The following BARHL1 variants were observed in gnomAD, a reference collection of about 807,000 sequenced individuals.
BARHL1 encodes barH-like 1 homeobox protein.
BARHL1 carries 2 observed loss-of-function variants against 20.1 expected under a neutral mutation model. That is an observed-to-expected ratio of 0.10 (90% CI 0.04 to 0.31). The LOEUF is 0.31. BARHL1 is among the 10% of genes least tolerant of loss of function. The probability of loss-of-function intolerance (pLI) is 1.00; values close to 1 mark genes in which losing one functional copy is unlikely to be tolerated. For missense variants in BARHL1, 397 were observed against 454.0 expected (o/e 0.87, Z 1.14); for synonymous variants, 213 against 209.9 (o/e 1.01, Z -0.13).
Position 132,589,218 on chromosome 9 carries a change from C to T in BARHL1, c.690-10C>T, listed in dbSNP as rs1358816865. On this transcript the variant is annotated splice_polypyrimidine_tract_variant and intron_variant, in intron 2 of 2. Transcript: ENST00000263610. ...CTGATCCCGCCATACGCGTTTATTTCGGCCCCCAGGACTAAATGGAAGCGA... is the reference window on the plus strand; with the variant it reads ...CTGATCCCGCCATACGCGTTTATTTTGGCCCCCAGGACTAAATGGAAGCGA... 1.2e-6 allele frequency: 2 copies of T among 1,603,482 alleles called. No individual in the cohort carries two copies. The highest frequency in any genetic ancestry group is 1.7e-6 in the Non-Finnish European group (2 of 1,175,184).
chr9:132,582,971 T>G lies in BARHL1; in HGVS notation c.174T>G (p.Cys58Trp). ...CGCCAGCCTCTCCAGGAAGGGACTGTTTGGAGACGGGGACCCCACGGCCTG... is the reference window on the plus strand; with the variant it reads ...CGCCAGCCTCTCCAGGAAGGGACTGGTTGGAGACGGGGACCCCACGGCCTG... ...CSSPASPGRDCLETGTPRPGG... is the reference protein window; with the variant it reads ...CSSPASPGRDWLETGTPRPGG... Residue 58 changes from cysteine to tryptophan, a missense_variant, in exon 1 of 3, where the codon TGT becomes TGG. Around this residue, in one of 3 missense-constraint regions of BARHL1, gnomAD observed 272 missense variants for 298.7 expected, o/e 0.91. Transcript: ENST00000263610. 6.2e-7 allele frequency: 1 copy of G among 1,613,864 alleles called. No individual in the cohort carries two copies. Among genetic ancestry groups the G allele is most frequent in the Non-Finnish European group, 8.5e-7 (1 of 1,179,930 alleles).
At chr9:132,585,536 G>C (rs555972021) in intron 1 of BARHL1, among the ~76,000 whole-genome samples, 15 of 152,350 alleles carry the variant, frequency 9.8e-5, no homozygotes, top group Admixed American at 2.0e-4. Context: ...CTAGCGGCTG[G>C]ATCCAAGGTC....
At chr9:132,585,812 C>T (rs564844389) in intron 1 of BARHL1, among the ~76,000 whole-genome samples, 2 of 152,372 alleles carry the variant, frequency 1.3e-5, no homozygotes, top group East Asian at 1.9e-4. Context: ...ACCTCCCGAC[C>T]TCCAACGCAG....
At chr9:132,589,110 A>T (rs960936292) in intron 2 of BARHL1, 118 bp from the exon 3 acceptor site, 7 of 1,457,612 alleles carry the variant, frequency 4.8e-6, no homozygotes, top group Non-Finnish European at 6.3e-6. Context: ...TTATTAACAA[A>T]TGAGTACGAT....
At chr9:132,584,886 T>C (rs1589937565) in intron 1 of BARHL1, among the ~76,000 whole-genome samples, 1 of 152,126 alleles carries the variant, frequency 6.6e-6, no homozygotes, top group Non-Finnish European at 1.5e-5. Context: ...GAGGGGGAAG[T>C]CAATGTAAAT....
Position 132,589,314 on chromosome 9 carries a change from C to T in BARHL1, c.776C>T (p.Ser259Leu). 1.2e-6 allele frequency: 2 copies of T among 1,613,574 alleles called. No individual in the cohort carries two copies. Among genetic ancestry groups the T allele is most frequent in the Admixed American group, 1.7e-5 (1 of 60,012 alleles). Residue 259 changes from serine to leucine, a missense_variant, in exon 3 of 3, where the codon TCG becomes TTG. Around this residue, in one of 3 missense-constraint regions of BARHL1, gnomAD observed 121 missense variants for 135.9 expected, o/e 0.89. Coordinates refer to ENST00000263610, the MANE Select transcript of BARHL1 (RefSeq NM_020064.4). The stretch of plus-strand genomic sequence containing the variant: ...TCAGCGCTCCAGCGGATGTTCCCGT[C>T]GCCTTATTTCTACCCGCAGAGTCTG... ...NYSALQRMFP[S>L]PYFYPQSLVS...
rs1174751700 is a variant in BARHL1, at chr9:132,590,155, C to T, written c.*633C>T. The T allele has an allele frequency of 2.0e-5, 3 of 151,230 alleles. No homozygotes were observed. The highest frequency in any genetic ancestry group is 4.4e-5 in the Non-Finnish European group (3 of 67,694). 9.4% of individuals were successfully genotyped at this position (151,230 alleles called of 1,614,324 possible). On this transcript the variant is annotated 3_prime_UTR_variant, in exon 3 of 3. Transcript: ENST00000263610. ...GGGGCCAAGGGGGCTTGCCCACCCA[C>T]CCCGACCCCAGCCCCCAGCCTCAGC...
chr9:132,583,377 C>A, intron 1 of BARHL1, 114 bp downstream of exon 1: 3 of 933,170 alleles, frequency 3.2e-6, no homozygotes, highest in Non-Finnish European at 3.1e-6. Flanking sequence ...TCCCCCAGGG[C>A]TCAGGTTGAG....
In BARHL1 at chr9:132,583,274, A is replaced by C; in HGVS notation, c.466+11A>C. 6.3e-7 allele frequency: 1 copy of C among 1,592,094 alleles called. No individual in the cohort carries two copies. Among genetic ancestry groups the C allele is most frequent in the Non-Finnish European group, 8.6e-7 (1 of 1,166,836 alleles). On this transcript the variant is annotated intron_variant, in intron 1 of 2. Transcript: ENST00000263610. ...ACTCTGAGTATAAAGGTAAGAAAGC[A>C]GGAGGTGAAAACTTGGGGGGATGCT...
At position 132,589,464 on chromosome 9, in the gene BARHL1, C is replaced by A. The variant is rs776979086; in HGVS notation, c.926C>A (p.Pro309Gln). 2.7e-6 allele frequency: 4 copies of A among 1,476,108 alleles called. No homozygotes were observed. The highest frequency in any genetic ancestry group is 5.8e-5 in the East Asian group (2 of 34,354). 91.4% of individuals were successfully genotyped at this position (1,476,108 alleles called of 1,614,324 possible). Residue 309 changes from proline to glutamine, a missense_variant, in exon 3 of 3, where the codon CCG becomes CAG. Physicochemically the swap from Pro to Gln is moderately conservative, Grantham distance 76. This residue lies in a region of BARHL1 where 121 missense variants were observed against 135.9 expected (regional missense o/e 0.89). Coordinates refer to ENST00000263610, the MANE Select transcript of BARHL1 (RefSeq NM_020064.4). Reference sequence around the variant, plus strand: ...CACGGACTCCAGGGCGCCAGCGAGCCGCCCCCGCCGCTGCCCCCCCTGGCC... The same window carrying A: ...CACGGACTCCAGGGCGCCAGCGAGCAGCCCCCGCCGCTGCCCCCCCTGGCC... The part of the protein sequence containing the change: ...LIHGLQGASE[P>Q]PPPLPPLAGV...
chr9:132,584,121 A>AGAAT (rs1305183805), intron 1 of BARHL1, among the ~76,000 whole-genome samples: 185 of 144,218 alleles, frequency 1.3e-3, no homozygotes, highest in African/African-American at 4.6e-3. Flanking sequence ...AAGGAAAGGG[A>AGAAT]GAAGGAAGGA....
chr9:132,589,540 G>C lies in BARHL1; in HGVS notation c.*18G>C, dbSNP rs573017447. On this transcript the variant is annotated 3_prime_UTR_variant, in exon 3 of 3. Transcript: ENST00000263610. ...CTCGGTGAGGCGCCCGTCGGCTCCGGGGCCTCCTCCCGCGGGCTCGGCGTG... is the reference window on the plus strand; with the variant it reads ...CTCGGTGAGGCGCCCGTCGGCTCCGCGGCCTCCTCCCGCGGGCTCGGCGTG... 7.0e-6 allele frequency: 9 copies of C among 1,284,214 alleles called. No homozygotes were observed. Among genetic ancestry groups the C allele is most frequent in the Admixed American group, 4.2e-5 (1 of 23,544 alleles). 79.6% of individuals were successfully genotyped at this position (1,284,214 alleles called of 1,614,324 possible).
rs1362561523 is a variant in BARHL1 at position 132,587,373 on chromosome 9, C to A, written c.511C>A (p.Pro171Thr). 6.2e-6 allele frequency: 10 copies of A among 1,611,332 alleles called. No homozygotes were observed. Among genetic ancestry groups the A allele is most frequent in the Non-Finnish European group, 8.5e-6 (10 of 1,179,482 alleles). Residue 171 changes from proline to threonine, a missense_variant, in exon 2 of 3, where the codon CCC becomes ACC. Pro to Thr is a conservative substitution (Grantham distance 38). Coordinates refer to ENST00000263610, the MANE Select transcript of BARHL1 (RefSeq NM_020064.4). This position sits in a 1 kb window ranked among gnomAD's most constrained non-coding sequence, Gnocchi z 5.5. ...CGAGATCTCCAGCTCCAGGGACAGT[C>A]CCCCGGTGCGCCTGAAAAAGCCACG... ...DREISSSRDS[P>T]PVRLKKPRKA...
rs1830151707 is a variant in BARHL1 at position 132,587,071 on chromosome 9, C to A, written c.467-258C>A. 6.6e-6 allele frequency among the ~76,000 whole-genome samples: 1 copy of A among 152,228 alleles called. No individual in the cohort carries two copies. Among genetic ancestry groups the A allele is most frequent in the Non-Finnish European group, 1.5e-5 (1 of 68,032 alleles). ...CGCGGCGCAGGGACTGGAGTTCTCG[C>A]CAGCTTCGGGTTCTTTCTCCCCGGA... is the stretch of plus-strand genomic sequence containing the variant. On this transcript the variant is annotated intron_variant, in intron 1 of 2. Transcript: ENST00000263610. The surrounding 1 kb of genome is among the most constrained non-coding windows in gnomAD (Gnocchi z 5.5).
At chr9:132,589,111 T>C in intron 2 of BARHL1, 117 bp from the exon 3 acceptor site, 1 of 1,456,898 alleles carries the variant, frequency 6.9e-7, no homozygotes. Context: ...TATTAACAAA[T>C]GAGTACGATC....
intron 2 of BARHL1, 86 bp from the exon 3 acceptor site, chr9:132,589,142 C>T (rs75798654): frequency 4.6e-6 from 7 of 1,514,300 alleles, no homozygotes; most frequent in Non-Finnish European, 5.3e-6. Context: ...TCCCTACAGG[C>T]TCTCTGGGCC....
chr9:132,587,468 C>T lies in BARHL1; in HGVS notation c.606C>T (p.Tyr202=). The T allele has an allele frequency of 6.2e-7, 1 of 1,612,504 alleles. No homozygotes were observed. The highest frequency in any genetic ancestry group is 8.5e-7 in the Non-Finnish European group (1 of 1,179,624). Reference sequence around the variant, plus strand: ...AGCGCAGCTTCGAGCGGCAGAAGTACCTGAGCGTGCAGGACCGCATGGAGC... The same window carrying T: ...AGCGCAGCTTCGAGCGGCAGAAGTATCTGAGCGTGCAGGACCGCATGGAGC... The part of the protein sequence containing the change: ...QLERSFERQK[Y]LSVQDRMELA... The change falls in exon 2 of 3, where the codon TAC becomes TAT. Residue 202 remains tyrosine, a synonymous_variant. Transcript: ENST00000263610. This position sits in a 1 kb window ranked among gnomAD's most constrained non-coding sequence, Gnocchi z 5.5.
intron 1 of BARHL1, among the ~76,000 whole-genome samples, chr9:132,585,492 A>G (rs1028104367): frequency 6.6e-6 from 1 of 152,270 alleles, no homozygotes; most frequent in African/African-American, 2.4e-5. Context: ...TAAAGAAGCC[A>G]AAACTCGGCT....
In BARHL1 at chr9:132,589,353, A is replaced by G; in HGVS notation, c.815A>G (p.Asp272Gly). Residue 272 changes from aspartate to glycine, a missense_variant, in exon 3 of 3, where the codon GAC becomes GGC. Physicochemically the swap from Asp to Gly is moderately conservative, Grantham distance 94 (BLOSUM62 -1). Around this residue, in one of 3 missense-constraint regions of BARHL1, gnomAD observed 121 missense variants for 135.9 expected, o/e 0.89. Transcript: ENST00000263610. Reference sequence around the variant, plus strand: ...CCGCAGAGTCTGGTTTCCAACCTGGACCCCGGCGCGGCGCTCTACCTGTAC... The same window carrying G: ...CCGCAGAGTCTGGTTTCCAACCTGGGCCCCGGCGCGGCGCTCTACCTGTAC... ...FYPQSLVSNL[D>G]PGAALYLYRG... The G allele has an allele frequency of 6.2e-7, 1 of 1,612,448 alleles. No individual in the cohort carries two copies. The highest frequency in any genetic ancestry group is 1.7e-5 in the Admixed American group (1 of 59,994).
Sources: gnomAD v4.1 joint callset for allele counts (sites outside exome capture counted in the v4.1 genomes callset) on GRCh38, gnomAD v4.1.1 for gene constraint, gnomAD v4.1.1 regional missense constraint, Gnocchi (gnomAD v3.1) non-coding constraint, MANE v1.5 for transcripts, NCBI Gene and HGNC (gene_info 2026-07-23, HGNC 2026-07-21) for gene names.